The following EFR3A variants were observed in gnomAD, a reference collection of about 807,000 sequenced individuals.
EFR3A encodes the protein EFR3 homolog A.
A neutral mutation model predicts 104.4 loss-of-function variants in EFR3A; 76 were observed. That is an observed-to-expected ratio of 0.73 (90% CI 0.60 to 0.88). EFR3A has a LOEUF of 0.88. EFR3A is among the 40% of genes least tolerant of loss of function. The pLI, the probability that EFR3A is intolerant of heterozygous loss-of-function variation, is 0.00. For missense variants in EFR3A, 985 were observed against 1,012.5 expected, an observed-to-expected ratio of 0.97 and a Z score of 0.37; for synonymous variants, 330 against 330.0, an observed-to-expected ratio of 1.00 and a Z score of 0.00.
intron 15 of EFR3A, 73 bp from the exon 16 acceptor site, chr8:131,984,856 C>T: frequency 7.4e-7 from 1 of 1,351,620 alleles, no homozygotes. Flanking sequence ...CTGCAGTTTT[C>T]CAGTGTAATC....
At chr8:131,911,253 T>C (rs940117406) in intron 1 of EFR3A, among the ~76,000 whole-genome samples, 8 of 152,236 alleles carry the variant, frequency 5.3e-5, no homozygotes, top group Admixed American at 2.0e-4. Flanking sequence ...TATGTCTTTC[T>C]TCTGCTTTTT....
intron 10 of EFR3A, among the ~76,000 whole-genome samples, chr8:131,971,023 C>G (rs1008924992): frequency 5.9e-5 from 9 of 151,888 alleles, no homozygotes; most frequent in Non-Finnish European, 4.4e-5. Flanking sequence ...TTCTAAACCA[C>G]GAGATACAGG....
At chr8:131,978,773 T>C in intron 12 of EFR3A, 74 bp from the exon 13 acceptor site, 4 of 1,164,330 alleles carry the variant, frequency 3.4e-6, no homozygotes, top group Non-Finnish European at 4.5e-6. Flanking sequence ...TTATGGTTCT[T>C]ATAAAAGAAT....
intron 18 of EFR3A, among the ~76,000 whole-genome samples, chr8:131,990,813 A>G (rs1368581945): frequency 6.6e-6 from 1 of 152,142 alleles, no homozygotes; most frequent in African/African-American, 2.4e-5. Context: ...ATTTATAGGC[A>G]TTTGATTGGT....
chr8:131,993,512 G>A (rs1298419370), intron 18 of EFR3A, among the ~76,000 whole-genome samples: 4 of 152,190 alleles, frequency 2.6e-5, no homozygotes, highest in Non-Finnish European at 5.9e-5. Context: ...CAGTAAGAGA[G>A]AAACCAGTTT....
At chr8:131,959,826 T>G (rs2044729152) in intron 8 of EFR3A, among the ~76,000 whole-genome samples, 163 bp downstream of exon 8, 1 of 152,216 alleles carries the variant, frequency 6.6e-6, no homozygotes, top group African/African-American at 2.4e-5. Context: ...TTTTCTTATT[T>G]GCCAAGATAA....
At position 131,996,433 on chromosome 8, in the gene EFR3A, G is replaced by A. The variant is rs1429737172; in HGVS notation, c.2093G>A (p.Ser698Asn). Residue 698 changes from serine to asparagine, a missense_variant, in exon 19 of 23, where the codon AGC (serine) becomes AAC (asparagine). Physicochemically the swap from Ser to Asn is conservative, Grantham distance 46 (BLOSUM62 1). Coordinates refer to ENST00000254624, the MANE Select transcript of EFR3A (RefSeq NM_015137.6). ...TDEDRLSRRK[S>N]IVDTVSIQVD... ...GAAGATCGACTTTCTAGAAGAAAAAGCATTGTGGACACCGTATCCATTCAG... is the reference window on the plus strand; with the variant it reads ...GAAGATCGACTTTCTAGAAGAAAAAACATTGTGGACACCGTATCCATTCAG... 1 of 1,594,326 alleles carries A rather than the reference G, an allele frequency of 6.3e-7. No homozygotes were observed. The highest frequency in any genetic ancestry group is 8.5e-7 in the Non-Finnish European group (1 of 1,172,354).
At chr8:131,963,417 C>G (rs1819514658) in intron 8 of EFR3A, among the ~76,000 whole-genome samples, 1 of 152,096 alleles carries the variant, frequency 6.6e-6, no homozygotes, top group Non-Finnish European at 1.5e-5. Context: ...GAAATACAAA[C>G]TACCATCAGA....
chr8:131,963,335 C>G (rs1363022747), intron 8 of EFR3A, among the ~76,000 whole-genome samples: 1 of 151,720 alleles, frequency 6.6e-6, no homozygotes, highest in Non-Finnish European at 1.5e-5. Context: ...AAGACTAATA[C>G]AGAAGAAAAG....
intron 4 of EFR3A, among the ~76,000 whole-genome samples, chr8:131,949,689 C>T (rs1412906609): frequency 6.6e-6 from 1 of 151,686 alleles, no homozygotes; most frequent in Non-Finnish European, 1.5e-5. Flanking sequence ...TGGTGCGTGC[C>T]TGTAGTCCTG....
chr8:132,005,104 TCTAA>T, intron 22 of EFR3A, among the ~76,000 whole-genome samples: 1 of 152,318 alleles, frequency 6.6e-6, no homozygotes, highest in African/African-American at 2.4e-5. Flanking sequence ...TGCAACAGAC[TCTAA>T]CAAACAGATA....
In EFR3A at chr8:131,940,556, T is replaced by C; in HGVS notation, c.68T>C (p.Ile23Thr). The C allele has an allele frequency of 6.2e-7, 1 of 1,609,458 alleles. No individual in the cohort carries two copies. The highest frequency in any genetic ancestry group is 1.1e-5 in the South Asian group (1 of 90,198). The change falls in exon 2 of 23, where the codon ATA (isoleucine) becomes ACA (threonine). Residue 23 changes from isoleucine (I) to threonine (T), a missense_variant. Physicochemically the swap from Ile to Thr is moderately conservative, Grantham distance 89 (BLOSUM62 -1). Coordinates refer to ENST00000254624, the MANE Select transcript of EFR3A (RefSeq NM_015137.6). ...RPRYKRLVDN[I>T]FPEDPKDGLV... The stretch of plus-strand genomic sequence containing the variant: ...CGCTACAAACGCCTGGTGGACAACA[T>C]ATTCCCTGAAGATCCAAAAGTAATT...
Position 131,941,033 on chromosome 8 carries a change from T to C in EFR3A, c.87+458T>C, listed in dbSNP as rs568948870. Among the ~76,000 whole-genome samples, 279 of 152,122 alleles carry C rather than the reference T, an allele frequency of 1.8e-3. 2 individuals carry two copies. Among genetic ancestry groups the C allele is most frequent in the African/African-American group, 6.5e-3 (271 of 41,522 alleles). ...AGACAAATGAAGTATGGGCTGCTCC[T>C]GGAGAAGATAGGAGTGATACCCAAT... is the stretch of plus-strand genomic sequence containing the variant. On this transcript the variant is annotated intron_variant, in intron 2 of 22. Transcript: ENST00000254624.
chr8:131,937,134 A>G (rs1440111229), intron 1 of EFR3A, among the ~76,000 whole-genome samples: 1 of 152,162 alleles, frequency 6.6e-6, no homozygotes, highest in Non-Finnish European at 1.5e-5. Flanking sequence ...ACCTAAGACT[A>G]TCAGAAGCTA....
chr8:131,984,886 T>C (rs1405227223), intron 15 of EFR3A, 43 bp from the exon 16 acceptor site: 1 of 1,557,600 alleles, frequency 6.4e-7, no homozygotes, highest in East Asian at 2.3e-5. Context: ...GCTGGTGAAG[T>C]ATAAGAACTT....
intron 1 of EFR3A, among the ~76,000 whole-genome samples, chr8:131,930,616 A>G (rs1817547820): frequency 6.6e-6 from 1 of 152,070 alleles, no homozygotes; most frequent in African/African-American, 2.4e-5. Flanking sequence ...TATTTCTGAC[A>G]TGAGTCTGCT....
chr8:131,919,595 CA>C (rs1054823834), intron 1 of EFR3A, among the ~76,000 whole-genome samples: 2,427 of 53,888 alleles, frequency 0.045, 37 homozygotes, highest in African/African-American at 0.11. Context: ...GACTCCGTCT[CA>C]AAAAAAAAAA....
intron 12 of EFR3A, among the ~76,000 whole-genome samples, chr8:131,977,962 T>C (rs1446599951): frequency 6.6e-6 from 1 of 152,170 alleles, no homozygotes. Context: ...TCTCTACATT[T>C]AGAACTTTAA....
intron 22 of EFR3A, among the ~76,000 whole-genome samples, chr8:132,010,266 T>C (rs756483427): frequency 3.7e-4 from 56 of 151,614 alleles, no homozygotes; most frequent in Non-Finnish European, 6.9e-4. Flanking sequence ...GCAGAAATTC[T>C]ACTTGTAAGA....
Sources: allele counts gnomAD v4.1 joint callset (sites outside exome capture counted in the v4.1 genomes callset), GRCh38; gene constraint gnomAD v4.1.1; transcripts MANE v1.5; gene names NCBI Gene and HGNC (gene_info 2026-07-23, HGNC 2026-07-21).